The following CHEK1 variants were observed in gnomAD, a reference collection of about 807,000 sequenced individuals.
CHEK1 encodes the protein serine/threonine-protein kinase Chk1.
Under a neutral mutation model 60.2 loss-of-function variants are expected in CHEK1, and 32 were observed. The observed-to-expected ratio is 0.53, with a 90% CI of 0.40 to 0.71. The LOEUF (loss-of-function observed/expected upper bound fraction) is 0.71, where lower values mean the gene tolerates loss of function less well. Among genes scored for constraint, CHEK1 ranks in the 30% least tolerant of loss-of-function variants. The pLI is 0.00. For missense variants in CHEK1, 399 were observed against 564.6 expected (o/e 0.71, Z 2.97); for synonymous variants, 179 against 187.2 (o/e 0.96, Z 0.36).
At chr11:125,654,069 G>T (rs1282114671) in intron 12 of CHEK1, among the ~76,000 whole-genome samples, 1 of 152,062 alleles carries the variant, frequency 6.6e-6, no homozygotes, top group Non-Finnish European at 1.5e-5. Flanking sequence ...GGTGGCTCAT[G>T]CCTGTAATCC....
intron 13 of CHEK1, among the ~76,000 whole-genome samples, chr11:125,674,112 C>G (rs1942360311): frequency 6.6e-6 from 1 of 151,996 alleles, no homozygotes; most frequent in African/African-American, 2.4e-5. Context: ...CCACTGCACT[C>G]AGCCTGGGTG....
intron 13 of CHEK1, among the ~76,000 whole-genome samples, chr11:125,670,434 G>A (rs978411452): frequency 1.3e-5 from 2 of 152,122 alleles, no homozygotes; most frequent in African/African-American, 4.8e-5. Flanking sequence ...AGTAAATGAG[G>A]AATTGTAGAG....
chr11:125,669,640 C>T (rs1317692240), intron 13 of CHEK1, among the ~76,000 whole-genome samples: 2 of 150,562 alleles, frequency 1.3e-5, no homozygotes, highest in African/African-American at 4.9e-5. Flanking sequence ...TCTCCTGCCT[C>T]AGCCTTCCAA....
chr11:125,648,881 C>A (rs1036052551), intron 11 of CHEK1, among the ~76,000 whole-genome samples: 2 of 151,614 alleles, frequency 1.3e-5, no homozygotes, highest in African/African-American at 4.8e-5. Context: ...GATTTTTTTT[C>A]CCTTTATTAA....
At position 125,629,238 on chromosome 11, in the gene CHEK1, A is replaced by ACATAGG; in HGVS notation, c.300_305dup (p.Ile100_Gly101dup). On this transcript the variant is annotated inframe_insertion, in exon 4 of 13. Transcript: ENST00000438015. ...ACTTTCATATTTGTTTTAGAGCCAG[A>ACATAGG]CATAGGCATGCCTGAACCAGATGCT... 1 of 1,614,040 alleles carries ACATAGG rather than the reference A, an allele frequency of 6.2e-7. No homozygotes were observed. The highest frequency in any genetic ancestry group is 8.5e-7 in the Non-Finnish European group (1 of 1,179,890).
chr11:125,670,982 G>A (rs942085553), intron 13 of CHEK1, among the ~76,000 whole-genome samples: 4 of 151,902 alleles, frequency 2.6e-5, no homozygotes, highest in African/African-American at 7.3e-5. Context: ...ATGTTGCCCA[G>A]GCTGTCTTTG....
At chr11:125,636,099 T>A (rs527884539) in intron 7 of CHEK1, 2 of 152,284 alleles carry the variant, frequency 1.3e-5, no homozygotes, top group South Asian at 4.1e-4. Context: ...TATAATCTAA[T>A]GGGACTGTCT....
chr11:125,672,964 A>C (rs981673329), intron 13 of CHEK1, among the ~76,000 whole-genome samples: 7 of 151,992 alleles, frequency 4.6e-5, no homozygotes, highest in African/African-American at 1.5e-4. Context: ...GGTTACCCCA[A>C]ATTTAAAATA....
chr11:125,644,420 T>C, intron 10 of CHEK1, 92 bp from the exon 11 acceptor site: 1 of 1,515,290 alleles, frequency 6.6e-7, no homozygotes, highest in Non-Finnish European at 8.9e-7. Flanking sequence ...GAGGCCTTCA[T>C]GCAAAATAAT....
chr11:125,633,945 G>T (rs1940962821), intron 6 of CHEK1, among the ~76,000 whole-genome samples: 1 of 151,010 alleles, frequency 6.6e-6, no homozygotes. Flanking sequence ...TGGCTGTCTT[G>T]CTGTGCTCTC....
At chr11:125,651,344 A>G (rs1941723919) in intron 11 of CHEK1, among the ~76,000 whole-genome samples, 1 of 146,950 alleles carries the variant, frequency 6.8e-6, no homozygotes, top group South Asian at 2.1e-4. Context: ...CTGGAGTGCA[A>G]TGGTGTGATC....
chr11:125,633,996 T>C (rs1486293302), intron 6 of CHEK1, among the ~76,000 whole-genome samples: 2 of 87,034 alleles, frequency 2.3e-5, no homozygotes, highest in African/African-American at 8.2e-5. Context: ...AGCTCTATTG[T>C]GGTTTTTTTT....
In CHEK1 at chr11:125,644,340, G is replaced by C. The variant is rs868149610; in HGVS notation, c.1101+72G>C. Reference sequence around the variant, plus strand: ...TATTGTCTTAAAGTCCTTTTTTAATGTGTAAATCTTAGATATATAACTTTT... The same window carrying C: ...TATTGTCTTAAAGTCCTTTTTTAATCTGTAAATCTTAGATATATAACTTTT... On this transcript the variant is annotated intron_variant, in intron 10 of 12. Transcript: ENST00000438015. 19 of 1,495,588 alleles carry C rather than the reference G, an allele frequency of 1.3e-5. No individual in the cohort carries two copies. The Middle Eastern group carries it at 1.6e-3, about 128-fold the overall frequency. 92.6% of individuals were successfully genotyped at this position (1,495,588 alleles called of 1,614,324 possible). A position where few individuals can be genotyped will look rare whatever the true frequency, so the allele number is the denominator to read the frequency against.
intron 13 of CHEK1, among the ~76,000 whole-genome samples, chr11:125,673,297 C>A (rs1041944560): frequency 2.6e-5 from 4 of 151,868 alleles, no homozygotes; most frequent in Non-Finnish European, 5.9e-5. Context: ...CTCCACCTCC[C>A]AGGTTCAAGC....
Position 125,635,490 on chromosome 11 carries a change from A to G in CHEK1, c.675A>G (p.Lys225=), listed in dbSNP as rs768158407. ...AGTATTCTGACTGGAAAGAAAAAAAAACATACCTCAACCCTTGGAAAAAAA... is the reference window on the plus strand; with the variant it reads ...AGTATTCTGACTGGAAAGAAAAAAAGACATACCTCAACCCTTGGAAAAAAA... The part of the protein sequence containing the change: ...CQEYSDWKEK[K]TYLNPWKKID... Residue 225 remains lysine (K), a synonymous_variant, in exon 7 of 13, where the codon AAA becomes AAG. Transcript: ENST00000438015. The G allele has an allele frequency of 3.1e-6, 5 of 1,609,770 alleles. No homozygotes were observed. The highest frequency in any genetic ancestry group is 4.2e-6 in the Non-Finnish European group (5 of 1,178,230).
In CHEK1 at chr11:125,644,692, A is replaced by C. The variant is rs761640073; in HGVS notation, c.1233+49A>C. On this transcript the variant is annotated intron_variant, in intron 11 of 12. Transcript: ENST00000438015. Reference sequence around the variant, plus strand: ...TACCTTTTCCTGAAGAAGAATTTAAATATTTGAGTAAAAGCTATCATTAGT... The same window carrying C: ...TACCTTTTCCTGAAGAAGAATTTAACTATTTGAGTAAAAGCTATCATTAGT... 8.9e-6 allele frequency: 14 copies of C among 1,578,458 alleles called. No homozygotes were observed. The African/African-American group carries it at 1.9e-4, about 21-fold the overall frequency.
At chr11:125,639,382 C>CTT (rs367756024) in intron 8 of CHEK1, among the ~76,000 whole-genome samples, 16,240 of 106,262 alleles carry the variant, frequency 0.15, 1,923 homozygotes, top group South Asian at 0.21. Flanking sequence ...ATACTTTTCT[C>CTT]TTTTTTTTTT....
chr11:125,659,000 CT>C (rs1941967105), downstream of CHEK1, among the ~76,000 whole-genome samples: 1 of 151,978 alleles, frequency 6.6e-6, no homozygotes, highest in African/African-American at 2.4e-5. Flanking sequence ...TGTTTTTTGG[CT>C]GATTTAGGTC....
chr11:125,639,300 A>G (rs1203094484), intron 8 of CHEK1, among the ~76,000 whole-genome samples: 1 of 151,402 alleles, frequency 6.6e-6, no homozygotes, highest in Non-Finnish European at 1.5e-5. Flanking sequence ...TGGGCCCTTA[A>G]TGCTTCCTGG....
Sources: gnomAD v4.1 joint callset for allele counts (sites outside exome capture counted in the v4.1 genomes callset) on GRCh38, gnomAD v4.1.1 for gene constraint, MANE v1.5 for transcripts, NCBI Gene and HGNC (gene_info 2026-07-23, HGNC 2026-07-21) for gene names.